ZNF804B: variants seen among roughly 807,000 people sequenced by gnomAD.
ZNF804B encodes the protein zinc finger protein 804B, also known as zinc finger 804B.
In ZNF804B, 80 loss-of-function variants were observed where a neutral mutation model predicts 101.4. The ratio of observed to expected loss-of-function variants is 0.79; its 90% CI spans 0.66 to 0.95. ZNF804B has a LOEUF of 0.95. Ranked by LOEUF, ZNF804B falls within the 40% of genes least tolerant of loss-of-function variation. ZNF804B has a pLI of 0.00. For missense variants in ZNF804B, 1,673 were observed against 1,561.9 expected (o/e 1.07, Z -1.20); for synonymous variants, 622 against 558.8 (o/e 1.11, Z -1.59).
chr7:89,106,433 A>C (rs968363793), intron 1 of ZNF804B, among the ~76,000 whole-genome samples: 10 of 152,092 alleles, frequency 6.6e-5, no homozygotes, highest in African/African-American at 2.2e-4. Flanking sequence ...CTGTGTTTTA[A>C]ACTGGGTGAT....
chr7:89,123,855 G>A (rs1790440196), intron 1 of ZNF804B, among the ~76,000 whole-genome samples: 1 of 152,092 alleles, frequency 6.6e-6, no homozygotes, highest in Admixed American at 6.6e-5. Flanking sequence ...ATATTTGTAA[G>A]GATTTATAAG....
At chr7:89,167,209 G>C (rs1791157183) in intron 1 of ZNF804B, among the ~76,000 whole-genome samples, 1 of 151,736 alleles carries the variant, frequency 6.6e-6, no homozygotes, top group Non-Finnish European at 1.5e-5. Flanking sequence ...GCTGAGATGG[G>C]TGGATCACCT....
rs149967552 is a variant in ZNF804B, at chr7:89,029,226, C to T, written c.109-188929C>T. Among the ~76,000 whole-genome samples, 521 of 152,244 alleles carry T rather than the reference C, an allele frequency of 3.4e-3. 13 individuals are homozygous for T. The highest frequency in any genetic ancestry group is 0.026 in the Admixed American group (404 of 15,274). Reference sequence around the variant, plus strand: ...TCAAGCAATTCTCCTGCCTCAGCCTCCCGAGTAGCTGGGATTACAGGCATG... The same window carrying T: ...TCAAGCAATTCTCCTGCCTCAGCCTTCCGAGTAGCTGGGATTACAGGCATG... On this transcript the variant is annotated intron_variant, in intron 1 of 3. Coordinates refer to ENST00000333190, the MANE Select transcript of ZNF804B (RefSeq NM_181646.5).
chr7:89,098,420 G>A (rs926436648), intron 1 of ZNF804B, among the ~76,000 whole-genome samples: 13 of 151,656 alleles, frequency 8.6e-5, no homozygotes, highest in Admixed American at 4.6e-4. Context: ...TTGCAGGTGC[G>A]TGCCACCACA....
At chr7:88,774,090 G>A (rs1387413245) in intron 1 of ZNF804B, among the ~76,000 whole-genome samples, 1 of 151,970 alleles carries the variant, frequency 6.6e-6, no homozygotes, top group Admixed American at 6.6e-5. Context: ...GTTGTCATGG[G>A]TCAGTTGACT....
intron 2 of ZNF804B, among the ~76,000 whole-genome samples, chr7:89,273,940 T>G (rs997440732): frequency 5.3e-5 from 8 of 152,024 alleles, no homozygotes; most frequent in African/African-American, 1.9e-4. Flanking sequence ...TTTTTCTTTT[T>G]CTCAAGTCAG....
intron 1 of ZNF804B, among the ~76,000 whole-genome samples, chr7:88,879,923 G>A (rs956137496): frequency 2.6e-5 from 4 of 151,852 alleles, no homozygotes; most frequent in African/African-American, 4.8e-5. Flanking sequence ...CCTGTATTCC[G>A]AGCTATGCAG....
chr7:89,018,493 A>G (rs1175949756), intron 1 of ZNF804B, among the ~76,000 whole-genome samples: 1 of 151,720 alleles, frequency 6.6e-6, no homozygotes, highest in African/African-American at 2.4e-5. Flanking sequence ...TGTAGTTATT[A>G]TGTCCTTATT....
chr7:88,804,454 T>C (rs7779337), intron 1 of ZNF804B, among the ~76,000 whole-genome samples: 37,799 of 151,942 alleles, frequency 0.25, 5,523 homozygotes, highest in East Asian at 0.69. Context: ...GGAGACTACA[T>C]ATAACACTAA....
intron 1 of ZNF804B, among the ~76,000 whole-genome samples, chr7:89,075,296 G>T (rs550645276): frequency 1.3e-5 from 2 of 152,224 alleles, no homozygotes; most frequent in South Asian, 2.1e-4. Context: ...AGAGGCCTAG[G>T]AGGAAAAAAT....
At chr7:89,232,922 T>C (rs979025842) in intron 2 of ZNF804B, among the ~76,000 whole-genome samples, 1 of 152,186 alleles carries the variant, frequency 6.6e-6, no homozygotes, top group Non-Finnish European at 1.5e-5. Flanking sequence ...ATTTATTTAT[T>C]TTTATTAATT....
At chr7:89,181,600 C>G (rs2115583186) in intron 1 of ZNF804B, among the ~76,000 whole-genome samples, 1 of 144,298 alleles carries the variant, frequency 6.9e-6, no homozygotes, top group Admixed American at 6.8e-5. Flanking sequence ...CAATTCAAGA[C>G]TGTCTTTCTT....
At chr7:88,951,746 C>T (rs761505268) in intron 1 of ZNF804B, among the ~76,000 whole-genome samples, 2 of 151,756 alleles carry the variant, frequency 1.3e-5, no homozygotes, top group Non-Finnish European at 2.9e-5. Context: ...ACCAATTGCA[C>T]TGAACTCAAA....
At chr7:88,851,286 C>A (rs1304628384) in intron 1 of ZNF804B, among the ~76,000 whole-genome samples, 1 of 151,938 alleles carries the variant, frequency 6.6e-6, no homozygotes, top group East Asian at 1.9e-4. Context: ...GATATAATAA[C>A]CTCAACAACA....
chr7:88,894,843 G>T (rs1427832335), intron 1 of ZNF804B, among the ~76,000 whole-genome samples: 1 of 152,062 alleles, frequency 6.6e-6, no homozygotes. Flanking sequence ...GGTTTGGGGA[G>T]GGGGGTGGTT....
At chr7:88,941,204 C>T (rs1793049777) in intron 1 of ZNF804B, among the ~76,000 whole-genome samples, 1 of 151,966 alleles carries the variant, frequency 6.6e-6, no homozygotes, top group Non-Finnish European at 1.5e-5. Context: ...AACAATTTGG[C>T]AGTTTCTTAT....
intron 1 of ZNF804B, among the ~76,000 whole-genome samples, chr7:89,217,081 A>G (rs1788907271): frequency 6.6e-6 from 1 of 152,244 alleles, no homozygotes; most frequent in Non-Finnish European, 1.5e-5. Context: ...GTATTGTGTA[A>G]CAAAAATGAA....
intron 1 of ZNF804B, among the ~76,000 whole-genome samples, chr7:88,948,814 A>C (rs980033535): frequency 9.2e-5 from 14 of 151,876 alleles, no homozygotes; most frequent in African/African-American, 3.1e-4. Flanking sequence ...TCTAATGTTG[A>C]TGGAGTCCTA....
intron 2 of ZNF804B, among the ~76,000 whole-genome samples, chr7:89,244,688 A>G (rs1215749514): frequency 2.6e-5 from 4 of 152,150 alleles, no homozygotes; most frequent in South Asian, 2.1e-4. Flanking sequence ...TGCCCAAGCT[A>G]TAGAGTCTAA....
Sources: gnomAD v4.1 joint callset for allele counts (sites outside exome capture counted in the v4.1 genomes callset) on GRCh38, gnomAD v4.1.1 for gene constraint, MANE v1.5 for transcripts, NCBI Gene and HGNC (gene_info 2026-07-23, HGNC 2026-07-21) for gene names.